The following ANKS1B variants were observed in gnomAD, a reference collection of about 807,000 sequenced individuals.
ANKS1B encodes the protein ankyrin repeat and sterile alpha motif domain containing 1B, also known as ankyrin repeat and sterile alpha motif domain-containing protein 1B.
Under a neutral mutation model 148.3 loss-of-function variants are expected in ANKS1B, and 36 were observed. The observed-to-expected ratio is 0.24, with a 90% CI of 0.19 to 0.32. The LOEUF is 0.32. Among genes scored for constraint, ANKS1B ranks in the 10% least tolerant of loss-of-function variants. The probability of loss-of-function intolerance (pLI) is 1.00; values close to 1 mark genes in which losing one functional copy is unlikely to be tolerated. For missense variants in ANKS1B, 1,157 were observed against 1,542.6 expected (o/e 0.75, Z 4.19); for synonymous variants, 542 against 560.8 (o/e 0.97, Z 0.47).
chr12:99,825,473 T>G, intron 1 of ANKS1B, 84 bp from the exon 2 acceptor site: 1 of 1,014,166 alleles, frequency 9.9e-7, no homozygotes, highest in Non-Finnish European at 1.5e-6. Context: ...AGCCCCACAG[T>G]CAGCAGCAGG....
rs540860559 is a variant in ANKS1B at position 99,403,226 on chromosome 12, A to G, written c.1576-3415T>C. On this transcript the variant is annotated intron_variant, in intron 11 of 26. Coordinates refer to ENST00000683438, the MANE Select transcript of ANKS1B (RefSeq NM_001352186.2). ...GGCTGGAGTGCAGTGGCATGATCCCAGCTCAATGCAACCTCTGCCTCCTGG... is the reference window on the plus strand; with the variant it reads ...GGCTGGAGTGCAGTGGCATGATCCCGGCTCAATGCAACCTCTGCCTCCTGG... Among the ~76,000 whole-genome samples, 7 of 116,072 alleles carry G rather than the reference A, an allele frequency of 6.0e-5. 2 individuals carry two copies. Among genetic ancestry groups the G allele is most frequent in the African/African-American group, 2.5e-4 (7 of 27,850 alleles). The allele number at this position is 116,072 out of a possible 152,430, so 76.1% of individuals were successfully genotyped here.
rs2099896277 is a variant in ANKS1B at position 98,976,485 on chromosome 12, G to A, written c.2778+76672C>T. 2.6e-5 allele frequency: 4 copies of A among 152,312 alleles called. No individual in the cohort carries two copies. In the South Asian group the frequency reaches 8.3e-4, roughly 32 times the overall value. 9.4% of individuals were successfully genotyped at this position (152,312 alleles called of 1,614,324 possible). The stretch of plus-strand genomic sequence containing the variant: ...TGCTTGTCTACACAGAGGTTTCTGA[G>A]TCAAAGGAGGAGAACGTACAAAATA... On this transcript the variant is annotated intron_variant, in intron 17 of 26. Coordinates refer to ENST00000683438, the MANE Select transcript of ANKS1B (RefSeq NM_001352186.2).
Position 98,745,086 on chromosome 12 carries a change from TC to T in ANKS1B, c.*652del. On this transcript the variant is annotated 3_prime_UTR_variant, in exon 27 of 27. Coordinates refer to ENST00000683438, the MANE Select transcript of ANKS1B (RefSeq NM_001352186.2). ...CATTTTGCTGTGCATAATAAATTCCTCTGCTTTGAATCATTCTTTCCTTTTG... is the reference window on the plus strand; with the variant it reads ...CATTTTGCTGTGCATAATAAATTCCTTGCTTTGAATCATTCTTTCCTTTTG... 1.0e-6 allele frequency: 1 copy of T among 985,914 alleles called. No individual in the cohort carries two copies. Among genetic ancestry groups the T allele is most frequent in the Non-Finnish European group, 1.2e-6 (1 of 829,930 alleles). The allele number at this position is 985,914 out of a possible 1,614,324, so 61.1% of individuals were successfully genotyped here.
chr12:98,994,416 T>A (rs1436646020), intron 17 of ANKS1B, among the ~76,000 whole-genome samples: 1 of 151,944 alleles, frequency 6.6e-6, no homozygotes, highest in Non-Finnish European at 1.5e-5. Context: ...AAGAGCTCAA[T>A]ACCAGCCTGG....
At chr12:99,790,054 T>A (rs1382269575) in intron 4 of ANKS1B, among the ~76,000 whole-genome samples, 1 of 152,112 alleles carries the variant, frequency 6.6e-6, no homozygotes, top group African/African-American at 2.4e-5. Context: ...GAAGGCTACT[T>A]CAAGGCATTT....
intron 14 of ANKS1B, among the ~76,000 whole-genome samples, chr12:99,209,018 T>C (rs2083016289): frequency 6.6e-6 from 1 of 152,208 alleles, no homozygotes; most frequent in Non-Finnish European, 1.5e-5. Context: ...TTACTCTCTT[T>C]ATAACATGAT....
At chr12:99,191,409 G>A (rs369560967) in intron 14 of ANKS1B, among the ~76,000 whole-genome samples, 282 of 152,236 alleles carry the variant, frequency 1.9e-3, no homozygotes, top group South Asian at 0.016. Flanking sequence ...TGTTTACTGC[G>A]ACACTGTTCA....
chr12:99,506,290 G>C (rs1265418731), intron 9 of ANKS1B, among the ~76,000 whole-genome samples: 1 of 151,830 alleles, frequency 6.6e-6, no homozygotes, highest in Non-Finnish European at 1.5e-5. Context: ...TATATTCTAG[G>C]GCTGATAAAG....
intron 1 of ANKS1B, among the ~76,000 whole-genome samples, chr12:99,917,729 A>G (rs961120015): frequency 1.3e-5 from 2 of 152,182 alleles, no homozygotes; most frequent in African/African-American, 4.8e-5. Context: ...AAGCTGATGA[A>G]CCACTAGCAT....
chr12:99,682,239 C>G (rs186751753), intron 8 of ANKS1B, among the ~76,000 whole-genome samples: 3 of 152,196 alleles, frequency 2.0e-5, no homozygotes, highest in Non-Finnish European at 2.9e-5. Context: ...TGAACTTAAA[C>G]TATATCCTAT....
At chr12:99,642,193 A>G (rs2098314811) in intron 9 of ANKS1B, among the ~76,000 whole-genome samples, 1 of 152,238 alleles carries the variant, frequency 6.6e-6, no homozygotes, top group Admixed American at 6.5e-5. Flanking sequence ...TGCACAAAAC[A>G]ATAAAAATCT....
At chr12:99,774,679 C>G (rs1255550167) in intron 7 of ANKS1B, among the ~76,000 whole-genome samples, 2 of 152,044 alleles carry the variant, frequency 1.3e-5, no homozygotes, top group Non-Finnish European at 2.9e-5. Context: ...ATATCTGCAC[C>G]CTTCTGTTCA....
chr12:99,279,750 A>C (rs1252024439), intron 12 of ANKS1B, among the ~76,000 whole-genome samples: 1 of 152,222 alleles, frequency 6.6e-6, no homozygotes, highest in African/African-American at 2.4e-5. Context: ...ATGGTGGCTC[A>C]TGCCTGTAAT....
intron 14 of ANKS1B, among the ~76,000 whole-genome samples, chr12:99,161,053 GT>G (rs1239879979): frequency 1.3e-5 from 2 of 152,114 alleles, no homozygotes; most frequent in Non-Finnish European, 2.9e-5. Context: ...TTTTAGAAAA[GT>G]TTTTTCTAGT....
intron 16 of ANKS1B, among the ~76,000 whole-genome samples, chr12:99,054,724 C>A (rs1047347156): frequency 6.6e-6 from 1 of 152,006 alleles, no homozygotes; most frequent in African/African-American, 2.4e-5. Flanking sequence ...TGTGTCTCTA[C>A]TAAGAGACAG....
At chr12:99,326,951 A>G (rs907785463) in intron 12 of ANKS1B, among the ~76,000 whole-genome samples, 35 of 145,870 alleles carry the variant, frequency 2.4e-4, no homozygotes, top group Non-Finnish European at 4.6e-4. Context: ...CTATATGAAC[A>G]TCATAGAGTA....
chr12:99,585,501 A>G (rs2097624849), intron 9 of ANKS1B, among the ~76,000 whole-genome samples: 1 of 152,120 alleles, frequency 6.6e-6, no homozygotes, highest in South Asian at 2.1e-4. Context: ...TGGGGTCTGG[A>G]GAACGGTGGC....
At chr12:99,597,543 G>A (rs914819011) in intron 9 of ANKS1B, among the ~76,000 whole-genome samples, 2 of 151,956 alleles carry the variant, frequency 1.3e-5, no homozygotes, top group Non-Finnish European at 2.9e-5. Context: ...ATAGAATAAA[G>A]TACAAAGTAA....
At chr12:99,595,958 A>C (rs879118522) in intron 9 of ANKS1B, among the ~76,000 whole-genome samples, 1 of 151,924 alleles carries the variant, frequency 6.6e-6, no homozygotes, top group Non-Finnish European at 1.5e-5. Flanking sequence ...ATCAATTTAA[A>C]TAGATGCATG....
Sources: gnomAD v4.1 joint callset for allele counts (sites outside exome capture counted in the v4.1 genomes callset) on GRCh38, gnomAD v4.1.1 for gene constraint, MANE v1.5 for transcripts, NCBI Gene and HGNC (gene_info 2026-07-23, HGNC 2026-07-21) for gene names.